The following SLC9A9 variants were observed in gnomAD, a reference collection of about 807,000 sequenced individuals.
SLC9A9 encodes sodium/hydrogen exchanger 9.
SLC9A9 carries 62 observed loss-of-function variants against 77.8 expected under a neutral mutation model. That is an observed-to-expected ratio of 0.80 (90% confidence interval 0.65 to 0.98). The LOEUF (loss-of-function observed/expected upper bound fraction) is 0.98. Ranked by LOEUF, SLC9A9 falls within the 50% of genes least tolerant of loss-of-function variation. The pLI, the probability that SLC9A9 is intolerant of heterozygous loss-of-function variation, is 0.00. For synonymous variants in SLC9A9, 320 were observed against 283.5 expected (o/e 1.13, Z -1.29); for missense variants, 775 against 774.9 (o/e 1.00, Z 0.00).
At chr3:143,426,538 T>G (rs2034411733) in intron 12 of SLC9A9, among the ~76,000 whole-genome samples, 1 of 152,214 alleles carries the variant, frequency 6.6e-6, no homozygotes, top group Admixed American at 6.5e-5. Context: ...TTGTCCTCCC[T>G]TTTGTTCTTG....
At chr3:143,657,097 A>G (rs1189817270) in intron 5 of SLC9A9, among the ~76,000 whole-genome samples, 1 of 152,076 alleles carries the variant, frequency 6.6e-6, no homozygotes, top group Non-Finnish European at 1.5e-5. Flanking sequence ...ATTCTCAGTG[A>G]AGACTTAGCA....
At chr3:143,839,088 A>T (rs1198923047) in intron 1 of SLC9A9, among the ~76,000 whole-genome samples, 1 of 152,116 alleles carries the variant, frequency 6.6e-6, no homozygotes, top group East Asian at 1.9e-4. Flanking sequence ...AAGTAAAAAC[A>T]TGATGTAGTA....
At chr3:143,821,493 T>C (rs545683312) in intron 2 of SLC9A9, among the ~76,000 whole-genome samples, 1 of 152,330 alleles carries the variant, frequency 6.6e-6, no homozygotes, top group East Asian at 1.9e-4. Context: ...GAAAATGTGA[T>C]GCTCTAACAG....
At chr3:143,779,995 T>G (rs1031036123) in intron 4 of SLC9A9, among the ~76,000 whole-genome samples, 1 of 152,224 alleles carries the variant, frequency 6.6e-6, no homozygotes, top group Non-Finnish European at 1.5e-5. Context: ...TGTGCTGGGA[T>G]AATGCTGTAA....
At chr3:143,641,760 G>T (rs1352348786) in intron 6 of SLC9A9, among the ~76,000 whole-genome samples, 2 of 152,230 alleles carry the variant, frequency 1.3e-5, no homozygotes, top group East Asian at 3.9e-4. Flanking sequence ...AGTGAAAATT[G>T]CATTGCTCTA....
chr3:143,464,724 C>T (rs2035255541), intron 12 of SLC9A9, among the ~76,000 whole-genome samples: 2 of 152,176 alleles, frequency 1.3e-5, no homozygotes, highest in Non-Finnish European at 2.9e-5. Context: ...AATTCTCAGG[C>T]CTTGACCAAG....
At chr3:143,371,801 T>C (rs768471997) in intron 13 of SLC9A9, among the ~76,000 whole-genome samples, 59 of 152,254 alleles carry the variant, frequency 3.9e-4, no homozygotes, top group Non-Finnish European at 4.3e-4. Context: ...AGGATATGAT[T>C]GTACACCTAG....
At chr3:143,775,964 G>T (rs1318003922) in intron 4 of SLC9A9, among the ~76,000 whole-genome samples, 1 of 152,116 alleles carries the variant, frequency 6.6e-6, no homozygotes, top group Non-Finnish European at 1.5e-5. Flanking sequence ...GGGTGTTAGT[G>T]GTTAAAAAGC....
chr3:143,696,950 AAT>A (rs1461110584), intron 4 of SLC9A9, among the ~76,000 whole-genome samples: 5 of 152,106 alleles, frequency 3.3e-5, no homozygotes, highest in African/African-American at 7.2e-5. Context: ...TAGCTTATTA[AAT>A]AGTTTCCTAT....
chr3:143,370,867 C>A (rs1199766694), intron 13 of SLC9A9, among the ~76,000 whole-genome samples: 1 of 152,044 alleles, frequency 6.6e-6, no homozygotes, highest in Non-Finnish European at 1.5e-5. Flanking sequence ...TAACTGGCAG[C>A]AAAGGACTGT....
chr3:143,475,219 G>T (rs971928492), intron 11 of SLC9A9, among the ~76,000 whole-genome samples: 5 of 150,740 alleles, frequency 3.3e-5, no homozygotes, highest in African/African-American at 1.2e-4. Context: ...TACCCGCCTC[G>T]GCCTCCCAAA....
intron 11 of SLC9A9, among the ~76,000 whole-genome samples, chr3:143,480,864 A>G (rs1352302579): frequency 6.6e-6 from 1 of 152,200 alleles, no homozygotes; most frequent in East Asian, 1.9e-4. Context: ...GTAAGCTTGG[A>G]CAAAGGATTC....
chr3:143,808,710 C>T (rs1263810658), intron 2 of SLC9A9, among the ~76,000 whole-genome samples: 1 of 152,088 alleles, frequency 6.6e-6, no homozygotes, highest in Admixed American at 6.6e-5. Flanking sequence ...ATCCTAAGCT[C>T]CTTGACTTGG....
intron 6 of SLC9A9, among the ~76,000 whole-genome samples, chr3:143,606,499 A>T (rs780891654): frequency 3.4e-5 from 5 of 147,096 alleles, no homozygotes; most frequent in Non-Finnish European, 3.0e-5. Flanking sequence ...CAGATAATTT[A>T]AAAACATTAA....
chr3:143,780,592 G>A (rs1220160694), intron 4 of SLC9A9, among the ~76,000 whole-genome samples: 1 of 152,198 alleles, frequency 6.6e-6, no homozygotes, highest in African/African-American at 2.4e-5. Flanking sequence ...GGCTAAACAT[G>A]GGGAGTTAAG....
chr3:143,446,218 C>T (rs1330285278), intron 12 of SLC9A9, among the ~76,000 whole-genome samples: 1 of 151,758 alleles, frequency 6.6e-6, no homozygotes, highest in Non-Finnish European at 1.5e-5. Flanking sequence ...GATTAACAGG[C>T]AAGTAGAAGG....
chr3:143,618,240 A>T (rs1186113425), intron 6 of SLC9A9, among the ~76,000 whole-genome samples: 1 of 152,212 alleles, frequency 6.6e-6, no homozygotes, highest in Non-Finnish European at 1.5e-5. Context: ...GGCCTACTTT[A>T]TGTGGCCAAC....
chr3:143,710,266 A>G (rs996040789), intron 4 of SLC9A9, among the ~76,000 whole-genome samples: 1 of 152,220 alleles, frequency 6.6e-6, no homozygotes, highest in Non-Finnish European at 1.5e-5. Flanking sequence ...AAAGTATAAA[A>G]TTCAGCCAGG....
chr3:143,520,812 T>A (rs1007657720), intron 9 of SLC9A9, among the ~76,000 whole-genome samples: 1 of 152,192 alleles, frequency 6.6e-6, no homozygotes, highest in African/African-American at 2.4e-5. Context: ...GTGGTTTAAT[T>A]TGAACTCCCC....
Sources: gnomAD v4.1 joint callset for allele counts (sites outside exome capture counted in the v4.1 genomes callset) on GRCh38, gnomAD v4.1.1 for gene constraint, MANE v1.5 for transcripts, NCBI Gene and HGNC (gene_info 2026-07-23, HGNC 2026-07-21) for gene names.